Variants in SORBS2 observed in about 807,000 individuals in gnomAD.
SORBS2 encodes sorbin and SH3 domain-containing protein 2.
In SORBS2, 46 loss-of-function variants were observed where a neutral mutation model predicts 97.7. That is an observed-to-expected ratio of 0.47 (90% CI 0.37 to 0.60). The LOEUF (loss-of-function observed/expected upper bound fraction) is 0.60. SORBS2 is among the 20% of genes least tolerant of loss of function. The probability of loss-of-function intolerance (pLI) is 0.00; values close to 1 mark genes in which losing one functional copy is unlikely to be tolerated. For missense variants in SORBS2, 1,316 were observed against 1,282.3 expected (o/e 1.03, Z -0.40); for synonymous variants, 476 against 473.4 (o/e 1.01, Z -0.07).
rs1333572941 is a variant in SORBS2 at position 185,622,805 on chromosome 4, C to T, written c.2215+109G>A. The T allele has an allele frequency of 5.2e-6, 6 of 1,145,696 alleles. No individual in the cohort carries two copies. The African/African-American group carries it at 6.2e-5, about 12-fold the overall frequency. 71.0% of individuals were successfully genotyped at this position (1,145,696 alleles called of 1,614,324 possible). A position where few individuals can be genotyped will look rare whatever the true frequency, so the allele number is the denominator to read the frequency against. On this transcript the variant is annotated intron_variant, in intron 7 of 14. Coordinates refer to ENST00000418609, the Ensembl canonical transcript of SORBS2. ...GTTTTTGCTTCACAACACATAACGA[C>T]GCCAAATGGTCTCCCAGCTCGGGAG...
chr4:185,677,098 G>C, intron 4 of SORBS2: 2 of 1,551,658 alleles, frequency 1.3e-6, no homozygotes, highest in Middle Eastern at 1.7e-4. Context: ...TCAGGTAGCT[G>C]TTTGTGGCTT....
intron 2 of SORBS2, among the ~76,000 whole-genome samples, chr4:185,731,555 C>CCTCT (rs1478873356): frequency 1.7e-5 from 2 of 115,026 alleles, no homozygotes; most frequent in African/African-American, 6.7e-5. Flanking sequence ...TCTCTCCCTC[C>CCTCT]CTCCCTGCCT....
In SORBS2 at chr4:185,940,924, A is replaced by T. The variant is rs193225773; in HGVS notation, c.-338+15272T>A. 2.6e-5 allele frequency among the ~76,000 whole-genome samples: 4 copies of T among 152,240 alleles called. No individual in the cohort carries two copies. In the East Asian group the frequency reaches 5.8e-4, roughly 22 times the overall value. ...CCTCCCTAGGGGCATTTAGCAATGG[A>T]TAGAGACATTTTTGGTGGTCGTTAC... On this transcript the variant is annotated intron_variant, in intron 1 of 20. Coordinates refer to the SORBS2 transcript ENST00000284776.
At chr4:185,725,563 C>T (rs1453452222) in intron 2 of SORBS2, among the ~76,000 whole-genome samples, 1 of 152,142 alleles carries the variant, frequency 6.6e-6, no homozygotes, top group Non-Finnish European at 1.5e-5. Context: ...AGTAATTAAT[C>T]AAAATTCTAA....
chr4:185,955,109 C>T (rs1216142164), intron 1 of SORBS2, among the ~76,000 whole-genome samples: 2 of 152,096 alleles, frequency 1.3e-5, no homozygotes, highest in East Asian at 3.9e-4. Flanking sequence ...AAATGTTAGC[C>T]CTGATAATTT....
chr4:185,790,325 C>T (rs2099074774), intron 1 of SORBS2, among the ~76,000 whole-genome samples: 1 of 152,180 alleles, frequency 6.6e-6, no homozygotes, highest in South Asian at 2.1e-4. Flanking sequence ...ATTATTCGAT[C>T]AGTCTATTAA....
intron 1 of SORBS2, among the ~76,000 whole-genome samples, chr4:185,902,580 A>C (rs974363418): frequency 6.6e-6 from 1 of 152,028 alleles, no homozygotes; most frequent in Non-Finnish European, 1.5e-5. Flanking sequence ...TCTTGGGAAG[A>C]CTAACTTCAA....
rs10560938 is a variant in SORBS2, at chr4:185,854,785, AAG to A, written c.-337-79421_-337-79420del. ...AGAAGCTGCACAAAGAGAAATAGAG[AAG>A]AGAGAGAGAGAGAGAGAGAGAGAGA... is the stretch of plus-strand genomic sequence containing the variant. On this transcript the variant is annotated intron_variant, in intron 1 of 20. Transcript: ENST00000284776. Among the ~76,000 whole-genome samples the A allele has an allele frequency of 2.0e-3, 304 of 149,772 alleles. 2 individuals are homozygous for A. Among genetic ancestry groups the A allele is most frequent in the African/African-American group, 5.9e-3 (238 of 40,600 alleles).
intron 2 of SORBS2, among the ~76,000 whole-genome samples, chr4:185,766,572 G>T (rs1215926543): frequency 9.9e-5 from 15 of 152,116 alleles, no homozygotes; most frequent in Non-Finnish European, 1.9e-4. Context: ...ACATTCTTGA[G>T]TGTTTTGAAA....
At chr4:185,690,777 C>A (rs2098078381) in intron 2 of SORBS2, among the ~76,000 whole-genome samples, 166 bp from the exon 4 acceptor site, 1 of 152,112 alleles carries the variant, frequency 6.6e-6, no homozygotes, top group Non-Finnish European at 1.5e-5. Flanking sequence ...TAATTCTGTT[C>A]ATGTTAAACT....
At chr4:185,933,129 G>A (rs2099267258) in intron 1 of SORBS2, 1 of 152,156 alleles carries the variant, frequency 6.6e-6, no homozygotes, top group Admixed American at 6.5e-5. Context: ...GACTCCTAAT[G>A]ACCAGTTGTC....
At chr4:185,694,273 A>T (rs1183289053) in intron 2 of SORBS2, among the ~76,000 whole-genome samples, 4 of 152,250 alleles carry the variant, frequency 2.6e-5, no homozygotes, top group Non-Finnish European at 4.4e-5. Flanking sequence ...TCTGGAAAGC[A>T]TCAAATTCCT....
intron 2 of SORBS2, among the ~76,000 whole-genome samples, chr4:185,694,702 C>CTTTATTTT (rs1561959911): frequency 3.5e-5 from 3 of 84,602 alleles, no homozygotes; most frequent in East Asian, 9.3e-4. Flanking sequence ...TTTTCCTTTT[C>CTTTATTTT]TTTCTTTTCT....
chr4:185,752,363 C>T (rs1312318909), intron 2 of SORBS2, among the ~76,000 whole-genome samples: 1 of 152,162 alleles, frequency 6.6e-6, no homozygotes, highest in Non-Finnish European at 1.5e-5. Flanking sequence ...GCAAGCTCCG[C>T]CTCCCGGGTT....
chr4:185,791,186 A>C (rs1342489469), intron 1 of SORBS2, among the ~76,000 whole-genome samples: 1 of 152,238 alleles, frequency 6.6e-6, no homozygotes, highest in Admixed American at 6.5e-5. Flanking sequence ...CACATGTCAC[A>C]TTTTATTACC....
chr4:185,757,669 A>G (rs1387664553), intron 2 of SORBS2, among the ~76,000 whole-genome samples: 1 of 152,186 alleles, frequency 6.6e-6, no homozygotes, highest in Non-Finnish European at 1.5e-5. Flanking sequence ...ATAAGAAGAC[A>G]TGGAGGCATG....
intron 5 of SORBS2, among the ~76,000 whole-genome samples, chr4:185,630,244 C>T (rs1400957594): frequency 6.6e-6 from 1 of 151,816 alleles, no homozygotes; most frequent in Non-Finnish European, 1.5e-5. Context: ...CATTTAACAA[C>T]ATTGAAAATT....
intron 1 of SORBS2, among the ~76,000 whole-genome samples, chr4:185,954,384 ATT>A (rs1278162699): frequency 2.0e-5 from 3 of 151,164 alleles, no homozygotes; most frequent in African/African-American, 7.3e-5. Context: ...ATTTTGTATT[ATT>A]TTGATAGTGA....
intron 14 of SORBS2, among the ~76,000 whole-genome samples, chr4:185,588,803 C>T (rs1248015189): frequency 1.3e-5 from 2 of 152,050 alleles, no homozygotes; most frequent in African/African-American, 4.8e-5. Flanking sequence ...TTGGTAGATA[C>T]GGGGTTTCAC....
Sources: gnomAD v4.1 joint callset for allele counts (sites outside exome capture counted in the v4.1 genomes callset) on GRCh38, gnomAD v4.1.1 for gene constraint, MANE v1.5 for transcripts, NCBI Gene and HGNC (gene_info 2026-07-23, HGNC 2026-07-21) for gene names.